The following RPS6KC1 variants were observed in gnomAD, a reference collection of about 807,000 sequenced individuals.
RPS6KC1 encodes inactive ribosomal protein S6 kinase delta-1.
Under a neutral mutation model 103.8 loss-of-function variants are expected in RPS6KC1, and 54 were observed. The observed-to-expected ratio is 0.52, with a 90% confidence interval of 0.42 to 0.65. The LOEUF is 0.65. Ranked by LOEUF, RPS6KC1 falls within the 30% of genes least tolerant of loss-of-function variation. The pLI is 0.00. For synonymous variants in RPS6KC1, 439 were observed against 438.7 expected (o/e 1.00, Z -0.01); for missense variants, 1,151 against 1,253.8 (o/e 0.92, Z 1.24).
At chr1:213,544,753 C>T in the RPS6KC1 span, among the ~76,000 whole-genome samples, 3 of 152,280 alleles carry the variant, frequency 2.0e-5, 1 homozygote, top group South Asian at 4.1e-4. Flanking sequence ...TCTCAGAAAG[C>T]TTATGTGGCC....
chr1:213,555,862 T>G, the RPS6KC1 span, among the ~76,000 whole-genome samples: 21 of 152,356 alleles, frequency 1.4e-4, no homozygotes, highest in Non-Finnish European at 2.2e-4. Flanking sequence ...TCCTGGCTCC[T>G]TTTCCTTCAT....
the RPS6KC1 span, among the ~76,000 whole-genome samples, chr1:213,478,120 C>T: frequency 2.6e-5 from 4 of 152,162 alleles, no homozygotes; most frequent in East Asian, 3.8e-4. Flanking sequence ...AAACAGTATA[C>T]AGCCTTTTCA....
chr1:213,612,276 C>T, the RPS6KC1 span, among the ~76,000 whole-genome samples: 1 of 152,250 alleles, frequency 6.6e-6, no homozygotes, highest in Non-Finnish European at 1.5e-5. Flanking sequence ...ATCTCCAAGT[C>T]TGCAGGGTTC....
chr1:213,821,428 A>C, the RPS6KC1 span: 2 of 151,620 alleles, frequency 1.3e-5, no homozygotes, highest in Admixed American at 6.5e-5. Context: ...CTTTTACCCA[A>C]AGTTCAGCTC....
chr1:213,410,447 T>C, the RPS6KC1 span, among the ~76,000 whole-genome samples: 15 of 152,182 alleles, frequency 9.9e-5, no homozygotes, highest in South Asian at 6.2e-4. Context: ...TGTGAAGGCA[T>C]TGGGGCTAAG....
the RPS6KC1 span, among the ~76,000 whole-genome samples, chr1:213,306,750 G>C: frequency 6.6e-6 from 1 of 152,146 alleles, no homozygotes; most frequent in Non-Finnish European, 1.5e-5. Flanking sequence ...AGGCTCAGTG[G>C]GGAAGAGCTC....
the RPS6KC1 span, among the ~76,000 whole-genome samples, chr1:213,400,252 G>A: frequency 6.6e-6 from 1 of 152,102 alleles, no homozygotes; most frequent in Non-Finnish European, 1.5e-5. Context: ...AAGAGCTACC[G>A]AAGAGAAACT....
chr1:213,728,195 G>C, the RPS6KC1 span, among the ~76,000 whole-genome samples: 3 of 151,914 alleles, frequency 2.0e-5, no homozygotes, highest in African/African-American at 7.3e-5. Flanking sequence ...ATAAACCCGC[G>C]GTGAAGAAGC....
At chr1:213,750,616 C>T in the RPS6KC1 span, among the ~76,000 whole-genome samples, 1 of 152,170 alleles carries the variant, frequency 6.6e-6, no homozygotes, top group African/African-American at 2.4e-5. Flanking sequence ...TGAGGTCTGG[C>T]ACTCATGCAG....
chr1:213,736,083 G>A, the RPS6KC1 span, among the ~76,000 whole-genome samples: 1 of 152,202 alleles, frequency 6.6e-6, no homozygotes, highest in Non-Finnish European at 1.5e-5. Flanking sequence ...CAGTAACCAT[G>A]CCCTGGATGA....
the RPS6KC1 span, among the ~76,000 whole-genome samples, chr1:213,371,807 A>C: frequency 6.6e-6 from 1 of 152,220 alleles, no homozygotes; most frequent in Non-Finnish European, 1.5e-5. Flanking sequence ...CTTTCCGGTT[A>C]GCTGCCGAGC....
At chr1:213,772,817 G>A in the RPS6KC1 span, among the ~76,000 whole-genome samples, 1 of 152,284 alleles carries the variant, frequency 6.6e-6, no homozygotes, top group East Asian at 1.9e-4. Flanking sequence ...GCTTTGGTTC[G>A]ATGCTAATGA....
chr1:213,828,158 G>T, the RPS6KC1 span, among the ~76,000 whole-genome samples: 3 of 152,102 alleles, frequency 2.0e-5, no homozygotes, highest in Non-Finnish European at 4.4e-5. Context: ...CTATAGACAG[G>T]GAACTGAAAG....
chr1:213,060,183 C>T (rs778862526), intron 1 of RPS6KC1, among the ~76,000 whole-genome samples: 1 of 152,188 alleles, frequency 6.6e-6, no homozygotes, highest in Non-Finnish European at 1.5e-5. Context: ...ATACACATTT[C>T]AAGCAATAAT....
chr1:213,574,672 G>C, the RPS6KC1 span, among the ~76,000 whole-genome samples: 1 of 152,214 alleles, frequency 6.6e-6, no homozygotes, highest in Admixed American at 6.5e-5. Context: ...GACAAGGCAG[G>C]CTTGGTCACA....
the RPS6KC1 span, among the ~76,000 whole-genome samples, chr1:213,749,571 T>C: frequency 6.6e-6 from 1 of 152,046 alleles, no homozygotes; most frequent in Non-Finnish European, 1.5e-5. Flanking sequence ...CAGGAACAAA[T>C]CCAACTTGTG....
At chr1:213,815,677 G>C in the RPS6KC1 span, among the ~76,000 whole-genome samples, 3 of 152,206 alleles carry the variant, frequency 2.0e-5, no homozygotes, top group Non-Finnish European at 4.4e-5. Context: ...GAATGTTGTG[G>C]CTGGTTTGAT....
intron 12 of RPS6KC1, among the ~76,000 whole-genome samples, chr1:213,260,715 G>A (rs557225007): frequency 1.8e-3 from 253 of 139,336 alleles, no homozygotes; most frequent in African/African-American, 6.7e-3. Flanking sequence ...CTAATTTAAT[G>A]CCATTAGGAA....
At chr1:213,687,711 T>C in the RPS6KC1 span, among the ~76,000 whole-genome samples, 1 of 152,148 alleles carries the variant, frequency 6.6e-6, no homozygotes, top group South Asian at 2.1e-4. Flanking sequence ...CATAAGTATA[T>C]GGAAAACTAA....
Sources: gnomAD v4.1 joint callset for allele counts (sites outside exome capture counted in the v4.1 genomes callset) on GRCh38, gnomAD v4.1.1 for gene constraint, MANE v1.5 for transcripts, NCBI Gene and HGNC (gene_info 2026-07-23, HGNC 2026-07-21) for gene names.